SPAG17: variants seen among roughly 807,000 people sequenced by gnomAD.
SPAG17 encodes sperm associated antigen 17.
A neutral mutation model predicts 273.6 loss-of-function variants in SPAG17; 169 were observed. The observed-to-expected ratio is 0.62, with a 90% CI of 0.55 to 0.70. The LOEUF is 0.70. Ranked by LOEUF, SPAG17 falls within the 30% of genes least tolerant of loss-of-function variation. The pLI is 0.00. For synonymous variants in SPAG17, 825 were observed against 873.2 expected (o/e 0.94, Z 0.97); for missense variants, 2,557 against 2,627.8 (o/e 0.97, Z 0.59).
chr1:117,988,548 C>T (rs2101631635), intron 38 of SPAG17, among the ~76,000 whole-genome samples: 1 of 152,228 alleles, frequency 6.6e-6, no homozygotes, highest in Admixed American at 6.5e-5. Context: ...AATTGTTTTT[C>T]TGGATATTTT....
intron 3 of SPAG17, among the ~76,000 whole-genome samples, chr1:118,120,283 T>A (rs1341293779): frequency 6.6e-6 from 1 of 150,652 alleles, no homozygotes; most frequent in Non-Finnish European, 1.5e-5. Context: ...CTAGTGAGAT[T>A]AAAAAAAAAC....
chr1:117,989,440 T>A (rs970565742), intron 38 of SPAG17, among the ~76,000 whole-genome samples: 1 of 151,972 alleles, frequency 6.6e-6, no homozygotes, highest in African/African-American at 2.4e-5. Flanking sequence ...CCAGCTCTCA[T>A]GGCAACTAAT....
In SPAG17 at chr1:117,998,932, T is replaced by A. The variant is rs192655167; in HGVS notation, c.4777-2189A>T. Among the ~76,000 whole-genome samples the A allele has an allele frequency of 1.6e-4, 25 of 152,252 alleles. No individual in the cohort carries two copies. The East Asian group carries it at 4.3e-3, about 26-fold the overall frequency. ...GTGCCATATTGGTTTGCTGCACCCA[T>A]CAACCTGTCATTTACATTAGGTATT... is the stretch of plus-strand genomic sequence containing the variant. On this transcript the variant is annotated intron_variant, in intron 32 of 48. Coordinates refer to ENST00000336338, the MANE Select transcript of SPAG17 (RefSeq NM_206996.4).
chr1:118,174,794 G>A (rs1393974534), intron 1 of SPAG17, among the ~76,000 whole-genome samples: 1 of 152,166 alleles, frequency 6.6e-6, no homozygotes, highest in Non-Finnish European at 1.5e-5. Context: ...CTGCAGGCCA[G>A]AAGGCACTGG....
intron 18 of SPAG17, among the ~76,000 whole-genome samples, chr1:118,057,090 A>G (rs1272110427): frequency 6.6e-6 from 1 of 151,488 alleles, no homozygotes; most frequent in Middle Eastern, 3.2e-3. Context: ...AATTCTCCTG[A>G]TTCAGCCTCC....
chr1:118,107,990 A>G (rs988286430), intron 4 of SPAG17, among the ~76,000 whole-genome samples: 2 of 152,198 alleles, frequency 1.3e-5, no homozygotes, highest in Non-Finnish European at 1.5e-5. Context: ...TCTCTGGTGC[A>G]GAGAAAATAT....
intron 13 of SPAG17, among the ~76,000 whole-genome samples, chr1:118,084,965 C>A (rs565993141): frequency 6.6e-6 from 1 of 152,248 alleles, no homozygotes; most frequent in East Asian, 1.9e-4. Context: ...TTTCTAGATA[C>A]AAATTTAATT....
At chr1:118,131,381 C>T (rs1217282641) in intron 3 of SPAG17, among the ~76,000 whole-genome samples, 1 of 152,142 alleles carries the variant, frequency 6.6e-6, no homozygotes, top group African/African-American at 2.4e-5. Context: ...TCAAGTGTCA[C>T]CATCCAGTTT....
At chr1:117,970,012 T>C (rs780111408) in intron 46 of SPAG17, 44 bp downstream of exon 46, 1 of 1,579,756 alleles carries the variant, frequency 6.3e-7, no homozygotes, top group East Asian at 2.2e-5. Context: ...CATAGTCACT[T>C]GCATGCACGC....
chr1:117,997,725 G>A (rs1571191402), intron 32 of SPAG17, among the ~76,000 whole-genome samples: 1 of 152,102 alleles, frequency 6.6e-6, no homozygotes, highest in South Asian at 2.1e-4. Flanking sequence ...ATTGTGCAAA[G>A]CAGCCACAGA....
At chr1:118,134,925 A>G (rs1294651463) in intron 3 of SPAG17, among the ~76,000 whole-genome samples, 2 of 152,218 alleles carry the variant, frequency 1.3e-5, no homozygotes, top group African/African-American at 2.4e-5. Flanking sequence ...TCAAAACTTT[A>G]AAAAGATTTA....
chr1:118,010,594 C>A (rs1659370040), intron 30 of SPAG17, among the ~76,000 whole-genome samples: 1 of 151,954 alleles, frequency 6.6e-6, no homozygotes, highest in African/African-American at 2.4e-5. Flanking sequence ...AATGTAAAAC[C>A]CAAAATTATA....
In SPAG17 at chr1:117,953,918, G is replaced by T; in HGVS notation, c.*132C>A. 1 of 1,076,366 alleles carries T rather than the reference G, an allele frequency of 9.3e-7. No homozygotes were observed. The highest frequency in any genetic ancestry group is 1.4e-6 in the Non-Finnish European group (1 of 734,630). The allele number at this position is 1,076,366 out of a possible 1,614,324, so 66.7% of individuals were successfully genotyped here. On this transcript the variant is annotated 3_prime_UTR_variant, in exon 49 of 49. Coordinates refer to ENST00000336338, the MANE Select transcript of SPAG17 (RefSeq NM_206996.4). ...TAAACAGATTGAAGCTATTTCATTT[G>T]GCAAATTTCTGGTCAGTTCTTCCAG...
At chr1:117,977,760 C>T (rs1655297710) in intron 43 of SPAG17, among the ~76,000 whole-genome samples, 1 of 152,110 alleles carries the variant, frequency 6.6e-6, no homozygotes, top group Non-Finnish European at 1.5e-5. Flanking sequence ...TCCTTCAAAG[C>T]TTTGTTTCTT....
chr1:118,005,115 C>G (rs1381446965), intron 32 of SPAG17, among the ~76,000 whole-genome samples: 2 of 152,200 alleles, frequency 1.3e-5, no homozygotes, highest in Non-Finnish European at 2.9e-5. Context: ...CCACATCATT[C>G]TTTATGTTGG....
In SPAG17 at chr1:118,097,229, A is replaced by C. The variant is rs1456945689; in HGVS notation, c.1011+441T>G. 1.2e-4 allele frequency among the ~76,000 whole-genome samples: 7 copies of C among 56,792 alleles called. No individual in the cohort carries two copies. In the East Asian group the frequency reaches 2.0e-3, roughly 16 times the overall value. The allele number at this position is 56,792 out of a possible 152,430, so 37.3% of individuals were successfully genotyped here. A position where few individuals can be genotyped will look rare whatever the true frequency, so the allele number is the denominator to read the frequency against. ...TGGGCAACAGAGCAAGACTGTCTCA[A>C]AAAAAAAAAAAGGGGGGAATAAAAG... On this transcript the variant is annotated intron_variant, in intron 7 of 48. Transcript: ENST00000336338.
chr1:118,162,519 G>A (rs571629574), intron 1 of SPAG17, among the ~76,000 whole-genome samples: 3 of 152,144 alleles, frequency 2.0e-5, no homozygotes, highest in Non-Finnish European at 4.4e-5. Context: ...ATCAGCCTGG[G>A]AAGAGAAATA....
intron 30 of SPAG17, among the ~76,000 whole-genome samples, chr1:118,009,432 A>G (rs1659244826): frequency 6.6e-6 from 1 of 152,168 alleles, no homozygotes; most frequent in African/African-American, 2.4e-5. Flanking sequence ...ATAACTTCTC[A>G]TTAAAAATAT....
At chr1:118,038,466 A>G (rs1649345334) in intron 23 of SPAG17, among the ~76,000 whole-genome samples, 1 of 152,184 alleles carries the variant, frequency 6.6e-6, no homozygotes. Flanking sequence ...ACAAACCTGT[A>G]CACGAATATT....
Sources: gnomAD v4.1 joint callset for allele counts (sites outside exome capture counted in the v4.1 genomes callset) on GRCh38, gnomAD v4.1.1 for gene constraint, MANE v1.5 for transcripts, NCBI Gene and HGNC (gene_info 2026-07-23, HGNC 2026-07-21) for gene names.